SRGAP2B: variants seen among roughly 807,000 people sequenced by gnomAD.
SRGAP2B encodes SLIT-ROBO Rho GTPase activating protein 2B.
SRGAP2B carries 9 observed loss-of-function variants against 22.2 expected under a neutral mutation model. That is an observed-to-expected ratio of 0.41 (90% CI 0.24 to 0.71). SRGAP2B has a LOEUF of 0.71. Ranked by LOEUF, SRGAP2B falls within the 30% of genes least tolerant of loss-of-function variation. SRGAP2B has a pLI of 0.35. For missense variants in SRGAP2B, 114 were observed against 235.8 expected, an observed-to-expected ratio of 0.48 and a Z score of 3.38; for synonymous variants, 36 against 87.4, an observed-to-expected ratio of 0.41 and a Z score of 3.28.
Position 145,009,714 on chromosome 1 carries a change from T to A in SRGAP2B, c.68-14514A>T, listed in dbSNP as rs1457671879. ...GAAATTTTTTATAATAAAAAGTTTT[T>A]AAATATCTAATTAATGGTGTGTAAA... On this transcript the variant is annotated intron_variant, in intron 2 of 9. Transcript: ENST00000612199. Among the ~76,000 whole-genome samples the A allele has an allele frequency of 5.5e-4, 78 of 141,546 alleles. 1 individual carries two copies. Among genetic ancestry groups the A allele is most frequent in the African/African-American group, 1.8e-3 (64 of 36,416 alleles). 92.9% of individuals were successfully genotyped at this position (141,546 alleles called of 152,430 possible).
intron 3 of SRGAP2B, 67 bp from the exon 4 acceptor site, chr1:144,955,668 A>G: frequency 1.7e-6 from 1 of 582,104 alleles, no homozygotes; most frequent in East Asian, 3.0e-5. Context: ...CTACAACTAT[A>G]GTCCGTGTCC....
At chr1:144,944,804 T>C (rs10903171) in intron 4 of SRGAP2B, among the ~76,000 whole-genome samples, 114,054 of 126,096 alleles carry the variant, frequency 0.9, 51,047 homozygotes, top group Non-Finnish European at 0.94. Context: ...CTCCACCTTC[T>C]GGGTTCAAGT....
At chr1:145,002,006 AGCAACACCCT>A (rs1671212998) in intron 2 of SRGAP2B, among the ~76,000 whole-genome samples, 1 of 139,710 alleles carries the variant, frequency 7.2e-6, no homozygotes, top group Non-Finnish European at 1.5e-5. Flanking sequence ...TGGGTGACAG[AGCAACACCCT>A]GTCTCAAAAA....
intron 2 of SRGAP2B, among the ~76,000 whole-genome samples, chr1:145,036,324 C>G (rs1648716317): frequency 1.4e-5 from 2 of 145,772 alleles, no homozygotes; most frequent in African/African-American, 5.4e-5. Context: ...TGTCAATATG[C>G]TTCCCAACCC....
intron 4 of SRGAP2B, among the ~76,000 whole-genome samples, chr1:144,924,731 C>CAAAAA (rs1156257790): frequency 1.7e-5 from 1 of 58,192 alleles, no homozygotes; most frequent in Non-Finnish European, 3.3e-5. Context: ...AACTCCGTCT[C>CAAAAA]AAAAAAAAAA....
At chr1:144,997,097 A>C (rs1670738944) in intron 2 of SRGAP2B, among the ~76,000 whole-genome samples, 1 of 150,460 alleles carries the variant, frequency 6.6e-6, no homozygotes, top group African/African-American at 2.5e-5. Context: ...GAGGGCATTC[A>C]GAATGCTTAC....
At chr1:144,970,639 A>C (rs1668437631) in intron 3 of SRGAP2B, among the ~76,000 whole-genome samples, 1 of 32,252 alleles carries the variant, frequency 3.1e-5, no homozygotes. Context: ...CTAAAACTTA[A>C]AGTATTAAAA....
At chr1:144,911,360 C>T (rs1354436941) in intron 5 of SRGAP2B, among the ~76,000 whole-genome samples, 1 of 149,358 alleles carries the variant, frequency 6.7e-6, no homozygotes, top group Non-Finnish European at 1.5e-5. Context: ...GTGCATACAG[C>T]AAGCAGCTTC....
intron 2 of SRGAP2B, among the ~76,000 whole-genome samples, chr1:144,997,348 G>A (rs1438938596): frequency 2.3e-4 from 34 of 150,914 alleles, no homozygotes; most frequent in Non-Finnish European, 2.2e-4. Context: ...CGAGAATGGC[G>A]TGAACCCGGG....
intron 2 of SRGAP2B, among the ~76,000 whole-genome samples, chr1:145,001,761 C>CT (rs1486680355): frequency 6.6e-6 from 1 of 150,666 alleles, no homozygotes; most frequent in African/African-American, 2.5e-5. Context: ...TGGCTCACCC[C>CT]TGTAATCCCG....
chr1:144,980,561 C>A (rs587627937), intron 3 of SRGAP2B, among the ~76,000 whole-genome samples: 66 of 151,812 alleles, frequency 4.3e-4, no homozygotes, highest in African/African-American at 1.5e-3. Context: ...CTAATCCTGG[C>A]TCTTTAACCA....
chr1:145,020,406 AAG>A lies in SRGAP2B; in HGVS notation c.68-25208_68-25207del, dbSNP rs587717465. Among the ~76,000 whole-genome samples the A allele has an allele frequency of 2.1e-4, 27 of 129,372 alleles. No individual in the cohort carries two copies. In the South Asian group the frequency reaches 5.4e-3, roughly 26 times the overall value. 84.9% of individuals were successfully genotyped at this position (129,372 alleles called of 152,430 possible). On this transcript the variant is annotated intron_variant, in intron 2 of 9. Transcript: ENST00000612199. Reference sequence around the variant, plus strand: ...GGTGCCACTGCACTCCAACCTGGGCAAGAGAGAGAGAGACCTTGTCTCTTTAA... The same window carrying A: ...GGTGCCACTGCACTCCAACCTGGGCAAGAGAGAGAGACCTTGTCTCTTTAA...
intron 4 of SRGAP2B, among the ~76,000 whole-genome samples, chr1:144,925,205 AT>A (rs1332011115): frequency 6.7e-6 from 1 of 150,106 alleles, no homozygotes; most frequent in Non-Finnish European, 1.5e-5. Context: ...GAGTTTCACT[AT>A]TTTGGCCGGG....
intron 4 of SRGAP2B, among the ~76,000 whole-genome samples, chr1:144,940,438 T>C (rs1665937683): frequency 6.7e-6 from 1 of 149,802 alleles, no homozygotes; most frequent in African/African-American, 2.5e-5. Flanking sequence ...AAACAAGTGA[T>C]TTCCAAAAAG....
At chr1:144,945,049 CA>C (rs1404339990) in intron 4 of SRGAP2B, among the ~76,000 whole-genome samples, 8 of 132,438 alleles carry the variant, frequency 6.0e-5, no homozygotes, top group South Asian at 2.6e-4. Context: ...TGTGAGCCAC[CA>C]TGCCCAGCCA....
rs587725457 is a variant in SRGAP2B at position 144,974,113 on chromosome 1, C to A, written c.261-18512G>T. ...AACAGCCATAGCTTGATTATCAACA[C>A]AGTCCCATCCTGATGGTTAAACCTA... On this transcript the variant is annotated intron_variant, in intron 3 of 9. Transcript: ENST00000612199. Among the ~76,000 whole-genome samples, 16 of 150,706 alleles carry A rather than the reference C, an allele frequency of 1.1e-4. No homozygotes were observed. In the South Asian group the frequency reaches 3.3e-3, roughly 31 times the overall value.
At chr1:144,950,971 CTT>C (rs1488891098) in intron 4 of SRGAP2B, among the ~76,000 whole-genome samples, 12 of 149,862 alleles carry the variant, frequency 8.0e-5, no homozygotes, top group African/African-American at 3.0e-4. Context: ...GCTTCAATCT[CTT>C]GAGTAGCTGG....
At chr1:145,007,802 C>CTTTTTTTTT (rs880001624) in intron 2 of SRGAP2B, among the ~76,000 whole-genome samples, 1 of 101,204 alleles carries the variant, frequency 9.9e-6, no homozygotes. Flanking sequence ...ATTTCTTCTT[C>CTTTTTTTTT]TTTTTTTTTT....
intron 1 of SRGAP2B, among the ~76,000 whole-genome samples, chr1:145,093,693 G>C (rs1654174054): frequency 6.7e-6 from 1 of 148,176 alleles, no homozygotes; most frequent in Admixed American, 6.6e-5. Flanking sequence ...GCAGGAACGC[G>C]GGGCACCGGG....
Sources: gnomAD v4.1 joint callset for allele counts (sites outside exome capture counted in the v4.1 genomes callset) on GRCh38, gnomAD v4.1.1 for gene constraint, MANE v1.5 for transcripts, NCBI Gene and HGNC (gene_info 2026-07-23, HGNC 2026-07-21) for gene names.